FHIP1A: variants seen among roughly 807,000 people sequenced by gnomAD.
The protein encoded by FHIP1A is FHF complex subunit HOOK interacting protein 1A, also known as FHF complex subunit HOOK-interacting protein 1A.
A neutral mutation model predicts 88.6 loss-of-function variants in FHIP1A; 61 were observed. The observed-to-expected ratio is 0.69, with a 90% CI of 0.56 to 0.85. The LOEUF is 0.85. FHIP1A is among the 40% of genes least tolerant of loss of function. FHIP1A has a pLI of 0.00. For missense variants in FHIP1A, 1,154 were observed against 1,273.5 expected, an observed-to-expected ratio of 0.91 and a Z score of 1.43; for synonymous variants, 478 against 496.0, an observed-to-expected ratio of 0.96 and a Z score of 0.48.
intron 13 of FHIP1A, among the ~76,000 whole-genome samples, chr4:151,660,782 A>G (rs1335742565): frequency 6.6e-6 from 1 of 152,206 alleles, no homozygotes; most frequent in Admixed American, 6.5e-5. Context: ...AGGAAACTGG[A>G]AATTCATTGT....
At position 151,523,791 on chromosome 4, in the gene FHIP1A, T is replaced by C. The variant is rs200282278; in HGVS notation, c.-123+41143T>C. On this transcript the variant is annotated intron_variant, in intron 3 of 13. Coordinates refer to ENST00000435205, the MANE Select transcript of FHIP1A (RefSeq NM_001109977.3). ...TCCTTTCCAGTCCAGTCTCTTAATA[T>C]ATGTTTCTTCCAATGATCTATTAAT... Among the ~76,000 whole-genome samples the C allele has an allele frequency of 5.3e-5, 8 of 152,318 alleles. No individual in the cohort carries two copies. The East Asian group carries it at 1.5e-3, about 29-fold the overall frequency.
intron 3 of FHIP1A, among the ~76,000 whole-genome samples, chr4:151,527,260 G>A (rs1384927908): frequency 6.6e-6 from 1 of 152,208 alleles, no homozygotes; most frequent in East Asian, 1.9e-4. Context: ...ACGAGACTCC[G>A]TCTGCAATCC....
chr4:151,452,928 A>G (rs28622593), intron 1 of FHIP1A, among the ~76,000 whole-genome samples: 78,116 of 150,636 alleles, frequency 0.52, 20,562 homozygotes, highest in African/African-American at 0.55. Flanking sequence ...GTCTGCAGAC[A>G]TTGAAACGTA....
At chr4:151,451,353 A>G (rs2724580) in intron 1 of FHIP1A, among the ~76,000 whole-genome samples, 79,112 of 151,828 alleles carry the variant, frequency 0.52, 20,889 homozygotes, top group African/African-American at 0.55. Context: ...TGGTGATTGG[A>G]TCATCTATGT....
intron 5 of FHIP1A, among the ~76,000 whole-genome samples, chr4:151,583,138 A>T (rs1381533642): frequency 2.0e-5 from 3 of 152,222 alleles, no homozygotes; most frequent in Non-Finnish European, 4.4e-5. Flanking sequence ...TTCTAGAAAT[A>T]TGTGCAGTCT....
At chr4:151,555,812 T>A (rs1732925134) in intron 3 of FHIP1A, among the ~76,000 whole-genome samples, 1 of 152,204 alleles carries the variant, frequency 6.6e-6, no homozygotes, top group African/African-American at 2.4e-5. Context: ...AGTCAGCTAG[T>A]AATTTTGATC....
chr4:151,543,936 A>G (rs573063468), intron 3 of FHIP1A, among the ~76,000 whole-genome samples: 2 of 152,274 alleles, frequency 1.3e-5, no homozygotes, highest in Non-Finnish European at 2.9e-5. Flanking sequence ...GGAAAACTCT[A>G]GGGTGTTTCA....
intron 1 of FHIP1A, among the ~76,000 whole-genome samples, chr4:151,449,825 G>A (rs1354726192): frequency 3.3e-5 from 5 of 152,226 alleles, no homozygotes; most frequent in Admixed American, 6.5e-5. Flanking sequence ...CCACAAACTC[G>A]TATTTTGCTT....
At chr4:151,416,276 A>AT (rs1561485830) in intron 1 of FHIP1A, among the ~76,000 whole-genome samples, 2 of 152,176 alleles carry the variant, frequency 1.3e-5, no homozygotes, top group Admixed American at 1.3e-4. Context: ...GTTGATTAAT[A>AT]TTTTTATTTA....
chr4:151,449,903 G>C (rs1229922513), intron 1 of FHIP1A, among the ~76,000 whole-genome samples: 1 of 152,112 alleles, frequency 6.6e-6, no homozygotes, highest in East Asian at 1.9e-4. Flanking sequence ...GAGTTTTTCT[G>C]TGATGATTTT....
intron 1 of FHIP1A, among the ~76,000 whole-genome samples, chr4:151,421,610 T>C (rs1733168005): frequency 6.6e-6 from 1 of 152,158 alleles, no homozygotes; most frequent in Non-Finnish European, 1.5e-5. Context: ...GTGCATGACA[T>C]TCAATAAATA....
intron 11 of FHIP1A, among the ~76,000 whole-genome samples, chr4:151,653,319 G>A (rs1737100564): frequency 6.6e-6 from 1 of 152,002 alleles, no homozygotes; most frequent in Admixed American, 6.5e-5. Context: ...GGTCTCTAGG[G>A]TGTATTGTTA....
intron 13 of FHIP1A, among the ~76,000 whole-genome samples, chr4:151,661,952 A>T (rs1256835057): frequency 6.6e-6 from 1 of 152,168 alleles, no homozygotes; most frequent in Non-Finnish European, 1.5e-5. Context: ...AAAACGTTGG[A>T]GGTCCTGGCC....
chr4:151,658,149 C>A (rs1208425624), intron 13 of FHIP1A, among the ~76,000 whole-genome samples: 1 of 152,172 alleles, frequency 6.6e-6, no homozygotes, highest in Non-Finnish European at 1.5e-5. Context: ...TGCCATGTGG[C>A]CTCCTTAGAC....
chr4:151,608,051 T>C (rs1327546815), intron 7 of FHIP1A, among the ~76,000 whole-genome samples: 3 of 132,760 alleles, frequency 2.3e-5, no homozygotes, highest in Non-Finnish European at 4.8e-5. Flanking sequence ...TTTTTTTTTT[T>C]TTTTTTTTTT....
intron 2 of FHIP1A, among the ~76,000 whole-genome samples, chr4:151,470,599 G>C (rs1322756640): frequency 6.6e-6 from 1 of 152,104 alleles, no homozygotes; most frequent in African/African-American, 2.4e-5. Context: ...ATCTTTTTAT[G>C]AGGAATATAC....
At position 151,663,918 on chromosome 4, in the gene FHIP1A, C is replaced by T. The variant is rs888919911; in HGVS notation, c.*1164C>T. 6.6e-6 allele frequency among the ~76,000 whole-genome samples: 1 copy of T among 152,184 alleles called. No individual in the cohort carries two copies. The highest frequency in any genetic ancestry group is 1.5e-5 in the Non-Finnish European group (1 of 68,028). ...AATGGGGTTCATTAGAAGGCCCCAA[C>T]GTGCTGTATGAGCGTCCCTCTGCTG... is the stretch of plus-strand genomic sequence containing the variant. On this transcript the variant is annotated 3_prime_UTR_variant, in exon 14 of 14. Coordinates refer to ENST00000435205, the MANE Select transcript of FHIP1A (RefSeq NM_001109977.3).
intron 3 of FHIP1A, among the ~76,000 whole-genome samples, chr4:151,489,476 G>A (rs563341164): frequency 7.2e-4 from 110 of 152,124 alleles, no homozygotes; most frequent in Non-Finnish European, 1.4e-3. Context: ...TGAACAGGAA[G>A]CGCGGATAGG....
In FHIP1A at chr4:151,668,152, C is replaced by A. The variant is rs568940656; in HGVS notation, c.*5398C>A. 6.6e-6 allele frequency among the ~76,000 whole-genome samples: 1 copy of A among 152,234 alleles called. No individual in the cohort carries two copies. The highest frequency in any genetic ancestry group is 1.5e-5 in the Non-Finnish European group (1 of 68,022). On this transcript the variant is annotated 3_prime_UTR_variant, in exon 14 of 14. Coordinates refer to ENST00000435205, the MANE Select transcript of FHIP1A (RefSeq NM_001109977.3). ...CACAAGCAAGGGTCAGCTCTATTTG[C>A]AAATAATCCATGAATATGTTTGTCT...
Sources: allele counts gnomAD v4.1 joint callset (sites outside exome capture counted in the v4.1 genomes callset), GRCh38; gene constraint gnomAD v4.1.1; transcripts MANE v1.5; gene names NCBI Gene and HGNC (gene_info 2026-07-23, HGNC 2026-07-21).